Variants in PTPRU observed in about 807,000 individuals in gnomAD.
PTPRU encodes receptor-type tyrosine-protein phosphatase U.
In PTPRU, 69 loss-of-function variants were observed where a neutral mutation model predicts 166.3. That is an observed-to-expected ratio of 0.41 (90% confidence interval 0.34 to 0.51). The LOEUF (loss-of-function observed/expected upper bound fraction) is 0.51, where lower values mean the gene tolerates loss of function less well. Among genes scored for constraint, PTPRU ranks in the 20% least tolerant of loss-of-function variants. The pLI, the probability that PTPRU is intolerant of heterozygous loss-of-function variation, is 0.09. For missense variants in PTPRU, 1,657 were observed against 2,013.7 expected (o/e 0.82, Z 3.39); for synonymous variants, 793 against 814.0 (o/e 0.97, Z 0.44).
At chr1:29,266,340 A>G (rs1483785260) in intron 7 of PTPRU, among the ~76,000 whole-genome samples, 1 of 152,034 alleles carries the variant, frequency 6.6e-6, no homozygotes, top group East Asian at 1.9e-4. Context: ...TACATTTTAC[A>G]TTTAAGTTTA....
chr1:29,325,161 C>T (rs1688349362), intron 28 of PTPRU, 30 bp from the exon 29 acceptor site: 2 of 1,613,656 alleles, frequency 1.2e-6, no homozygotes, highest in Non-Finnish European at 8.5e-7. Context: ...TCCAAGGCCC[C>T]GCCCCTCAGC....
Position 29,259,412 on chromosome 1 carries a change from T to C in PTPRU, c.560-37T>C, listed in dbSNP as rs148106138. 2,519 of 1,606,750 alleles carry C rather than the reference T, an allele frequency of 1.6e-3. 40 individuals are homozygous for C. The African/African-American group carries it at 0.03, about 19-fold the overall frequency. Reference sequence around the variant, plus strand: ...GGCCGCGGCTCCTGCCTGCAGGGGGTGCAGGCCCAGCTCACGATGCAGCTC... The same window carrying C: ...GGCCGCGGCTCCTGCCTGCAGGGGGCGCAGGCCCAGCTCACGATGCAGCTC... On this transcript the variant is annotated intron_variant, in intron 4 of 29. Transcript: ENST00000373779.
intron 1 of PTPRU, among the ~76,000 whole-genome samples, chr1:29,242,422 C>T (rs1378873099): frequency 1.3e-5 from 2 of 152,166 alleles, no homozygotes; most frequent in East Asian, 1.9e-4. Flanking sequence ...TGTTTTTCAA[C>T]GGTCAGCCTA....
At chr1:29,256,607 CA>C (rs1046216965) in intron 2 of PTPRU, among the ~76,000 whole-genome samples, 1 of 152,246 alleles carries the variant, frequency 6.6e-6, no homozygotes, top group Non-Finnish European at 1.5e-5. Context: ...CCCTTCTGTG[CA>C]TTTGCTCACA....
At chr1:29,264,985 T>A (rs577978835) in intron 7 of PTPRU, among the ~76,000 whole-genome samples, 1 of 152,352 alleles carries the variant, frequency 6.6e-6, no homozygotes, top group South Asian at 2.1e-4. Flanking sequence ...GAAATGCCAG[T>A]TTGTTTAAAC....
In PTPRU at chr1:29,291,044, A is replaced by G. The variant is rs1686604273; in HGVS notation, c.2319-825A>G. ...CTGGCTGTCCTCTGTCCATGGCCCTATCTCCCCACCTCCTTTTCTCCCTCC... is the reference window on the plus strand; with the variant it reads ...CTGGCTGTCCTCTGTCCATGGCCCTGTCTCCCCACCTCCTTTTCTCCCTCC... On this transcript the variant is annotated intron_variant, in intron 14 of 29. Coordinates refer to ENST00000373779, the MANE Select transcript of PTPRU (RefSeq NM_133178.4). The surrounding 1 kb of genome is among the most constrained non-coding windows in gnomAD (Gnocchi z 4.1). 2.0e-5 allele frequency among the ~76,000 whole-genome samples: 3 copies of G among 152,048 alleles called. No homozygotes were observed. The highest frequency in any genetic ancestry group is 7.2e-5 in the African/African-American group (3 of 41,400).
rs10915252 is a variant in PTPRU, at chr1:29,323,362, T to C, written c.3829-9T>C. ...TACTCAGCTCTCCCCTCTCCGTGCT[T>C]ATGCCCAGCCCTGCCTGCAGTACTG... On this transcript the variant is annotated splice_polypyrimidine_tract_variant and intron_variant, in intron 26 of 29. Transcript: ENST00000373779. The C allele has an allele frequency of 0.38, 601,889 of 1,601,558 alleles. 115,566 individuals carry two copies. Among genetic ancestry groups the C allele is most frequent in the East Asian group, 0.54 (23,928 of 44,068 alleles).
chr1:29,284,749 A>G lies in PTPRU; in HGVS notation c.2198A>G (p.Lys733Arg). The G allele has an allele frequency of 1.9e-6, 3 of 1,614,054 alleles. No homozygotes were observed. The highest frequency in any genetic ancestry group is 1.7e-6 in the Non-Finnish European group (2 of 1,179,980). Reference protein sequence around the residue: ...IARKAACKESKRPLEVSQRSE... With the variant: ...IARKAACKESRRPLEVSQRSE... The stretch of plus-strand genomic sequence containing the variant: ...TCCCCAGCTGCCTGCAAGGAAAGCA[A>G]GCGGCCCCTGGAGGTGTCCCAGAGA... The change falls in exon 14 of 30, where the codon AAG becomes AGG. Residue 733 changes from lysine to arginine, a missense_variant. Physicochemically the swap from Lys to Arg is conservative, Grantham distance 26. This residue lies in a region of PTPRU where 1,190 missense variants were observed against 1,477.4 expected (regional missense o/e 0.81). Transcript: ENST00000373779.
At chr1:29,241,379 T>C (rs542448243) in intron 1 of PTPRU, among the ~76,000 whole-genome samples, 3 of 151,414 alleles carry the variant, frequency 2.0e-5, no homozygotes, top group Non-Finnish European at 4.4e-5. Context: ...GGTTAGTGGG[T>C]ATTTATAAGT....
At chr1:29,297,974 G>A (rs1260319998) in intron 15 of PTPRU, among the ~76,000 whole-genome samples, 1 of 152,116 alleles carries the variant, frequency 6.6e-6, no homozygotes, top group Non-Finnish European at 1.5e-5. Flanking sequence ...AAACTCAAAA[G>A]GTGCTAGGCG....
intron 14 of PTPRU, among the ~76,000 whole-genome samples, chr1:29,289,350 T>C (rs1686510458): frequency 6.6e-6 from 1 of 152,090 alleles, no homozygotes; most frequent in Admixed American, 6.5e-5. Flanking sequence ...CATGTATGAG[T>C]GTGTATGTGA....
At chr1:29,318,227 C>A (rs1033871725) in intron 25 of PTPRU, among the ~76,000 whole-genome samples, 5 of 152,080 alleles carry the variant, frequency 3.3e-5, no homozygotes, top group African/African-American at 1.2e-4. Flanking sequence ...GGGGAGACCT[C>A]GAGGGTTTGG....
intron 8 of PTPRU, 87 bp from the exon 9 acceptor site, chr1:29,278,925 G>A (rs767859860): frequency 1.0e-4 from 105 of 1,024,196 alleles, no homozygotes; most frequent in Non-Finnish European, 1.3e-5. Context: ...TGAGAACCAG[G>A]TAGGAAGCGG....
Position 29,291,369 on chromosome 1 carries a change from A to G in PTPRU, c.2319-500A>G, listed in dbSNP as rs994851256. ...CAAGCTAGACTCTCTGCGGGGAAGG[A>G]GGGGTGTAGTCCCTCCTTCCTGCAG... On this transcript the variant is annotated intron_variant, in intron 14 of 29. Coordinates refer to ENST00000373779, the MANE Select transcript of PTPRU (RefSeq NM_133178.4). This position sits in a 1 kb window ranked among gnomAD's most constrained non-coding sequence, Gnocchi z 4.1. Among the ~76,000 whole-genome samples, 1 of 149,746 alleles carries G rather than the reference A, an allele frequency of 6.7e-6. No individual in the cohort carries two copies. Among genetic ancestry groups the G allele is most frequent in the African/African-American group, 2.5e-5 (1 of 39,384 alleles).
chr1:29,298,271 A>G (rs1300342077), intron 15 of PTPRU, among the ~76,000 whole-genome samples: 1 of 134,508 alleles, frequency 7.4e-6, no homozygotes. Context: ...TCAAAAAAAA[A>G]AAGACAAAAA....
At position 29,323,752 on chromosome 1, in the gene PTPRU, C is replaced by A; in HGVS notation, c.4076C>A (p.Ala1359Asp). Residue 1359 changes from alanine to aspartate, a missense_variant, in exon 28 of 30, where the codon GCC (alanine) becomes GAC (aspartate). This residue lies in a region of PTPRU where 1,190 missense variants were observed against 1,477.4 expected (regional missense o/e 0.81). Coordinates refer to ENST00000373779, the MANE Select transcript of PTPRU (RefSeq NM_133178.4). ...HLLAEVDKWQ[A>D]ESGDGRTIVH... The stretch of plus-strand genomic sequence containing the variant: ...CTGGCTGAGGTGGACAAGTGGCAGG[C>A]CGAGAGTGGGGATGGGCGCACCATC... 1 of 1,614,116 alleles carries A rather than the reference C, an allele frequency of 6.2e-7. No individual in the cohort carries two copies. Among genetic ancestry groups the A allele is most frequent in the Non-Finnish European group, 8.5e-7 (1 of 1,179,984 alleles).
intron 22 of PTPRU, among the ~76,000 whole-genome samples, chr1:29,314,072 G>A (rs1279968308): frequency 6.6e-6 from 1 of 152,146 alleles, no homozygotes; most frequent in Non-Finnish European, 1.5e-5. Context: ...CTTTCCCTGA[G>A]CCTTAGGTTT....
At chr1:29,245,156 T>C (rs1459306772) in intron 1 of PTPRU, among the ~76,000 whole-genome samples, 1 of 152,178 alleles carries the variant, frequency 6.6e-6, no homozygotes, top group Non-Finnish European at 1.5e-5. Context: ...TCTGAGAGCT[T>C]TACCAGCAGA....
rs1256675798 is a variant in PTPRU at position 29,279,374 on chromosome 1, C to T, written c.1564-82C>T. On this transcript the variant is annotated intron_variant, in intron 9 of 29. Transcript: ENST00000373779. The surrounding 1 kb of genome is among the most constrained non-coding windows in gnomAD (Gnocchi z 5.2). ...TTTGCTTAGCCTTATCTCTCACTTC[C>T]CTGGGACATGGTGGGTGGAGGCTGC... 4.1e-6 allele frequency: 6 copies of T among 1,456,260 alleles called. No individual in the cohort carries two copies. Among genetic ancestry groups the T allele is most frequent in the East Asian group, 2.3e-5 (1 of 43,876 alleles). The allele number at this position is 1,456,260 out of a possible 1,614,324, so 90.2% of individuals were successfully genotyped here.
Sources: gnomAD v4.1 joint callset for allele counts (sites outside exome capture counted in the v4.1 genomes callset) on GRCh38, gnomAD v4.1.1 for gene constraint, gnomAD v4.1.1 regional missense constraint, Gnocchi (gnomAD v3.1) non-coding constraint, MANE v1.5 for transcripts, NCBI Gene and HGNC (gene_info 2026-07-23, HGNC 2026-07-21) for gene names.